DHRS4L2: variants seen among roughly 807,000 people sequenced by gnomAD.
The protein encoded by DHRS4L2 is dehydrogenase/reductase 4 like 2, also known as dehydrogenase/reductase SDR family member 4-like 2.
A neutral mutation model predicts 23.9 loss-of-function variants in DHRS4L2; 22 were observed. The observed-to-expected ratio is 0.92, with a 90% CI of 0.66 to 1.31. The LOEUF is 1.31. Ranked by LOEUF, DHRS4L2 falls within the 40% of genes most tolerant of loss-of-function variation. The pLI, the probability that DHRS4L2 is intolerant of heterozygous loss-of-function variation, is 0.00. For missense variants in DHRS4L2, 385 were observed against 303.3 expected, an observed-to-expected ratio of 1.27 and a Z score of -2.00; for synonymous variants, 141 against 123.7, an observed-to-expected ratio of 1.14 and a Z score of -0.93.
intron 1 of DHRS4L2, among the ~76,000 whole-genome samples, chr14:23,974,251 G>A (rs2033923845): frequency 6.7e-6 from 1 of 148,510 alleles, no homozygotes; most frequent in Non-Finnish European, 1.5e-5. Flanking sequence ...TTAAAACAGT[G>A]TGTAGAGGGA....
chr14:23,979,175 C>T (rs990379528), intron 1 of DHRS4L2, among the ~76,000 whole-genome samples: 1 of 149,064 alleles, frequency 6.7e-6, no homozygotes, highest in Non-Finnish European at 1.5e-5. Context: ...GACTTTAAAC[C>T]AACAAAGATC....
chr14:23,983,612 C>G (rs2034090038), intron 1 of DHRS4L2, among the ~76,000 whole-genome samples: 1 of 151,598 alleles, frequency 6.6e-6, no homozygotes, highest in South Asian at 2.1e-4. Context: ...TTCACAGTAG[C>G]AAAGACTTGG....
upstream of DHRS4L2, chr14:23,988,891 G>C: frequency 9.4e-6 from 15 of 1,596,696 alleles, 1 homozygote; most frequent in East Asian, 2.2e-5. Flanking sequence ...CTGCCCCTTC[G>C]CCCTACTCTG....
intron 2 of DHRS4L2, chr14:23,990,695 A>C (rs992357463): frequency 1.0e-5 from 11 of 1,069,800 alleles, no homozygotes; most frequent in Non-Finnish European, 1.1e-6. Context: ...TCTTCAGCTT[A>C]TAGAGTCAAG....
At chr14:23,986,517 A>AG, upstream of DHRS4L2, among the ~76,000 whole-genome samples, 1 of 150,300 alleles carries the variant, frequency 6.7e-6, no homozygotes, top group South Asian at 2.1e-4. Flanking sequence ...TAAAAAAAAA[A>AG]AAAGAAAGAA....
At position 23,975,607 on chromosome 14, in the gene DHRS4L2, G is replaced by C. The variant is rs555979917; in HGVS notation, c.-176+5275G>C. Among the ~76,000 whole-genome samples the C allele has an allele frequency of 1.8e-3, 269 of 151,790 alleles. 5 individuals are homozygous for C. The highest frequency in any genetic ancestry group is 6.3e-3 in the African/African-American group (261 of 41,360). ...TTAAATTTCATATGGAACCAAAAAAGAGCCAGTATAGCCAAGGAAATCATA... is the reference window on the plus strand; with the variant it reads ...TTAAATTTCATATGGAACCAAAAAACAGCCAGTATAGCCAAGGAAATCATA... On this transcript the variant is annotated intron_variant, in intron 1 of 5. Transcript: ENST00000534993.
At chr14:23,977,279 G>A (rs1211813035) in intron 1 of DHRS4L2, among the ~76,000 whole-genome samples, 66 of 151,282 alleles carry the variant, frequency 4.4e-4, no homozygotes, top group African/African-American at 1.4e-3. Context: ...ATTTCCTATT[G>A]CCATCTGGAT....
intron 1 of DHRS4L2, among the ~76,000 whole-genome samples, chr14:23,977,985 T>A (rs1349577382): frequency 1.3e-5 from 2 of 151,682 alleles, no homozygotes; most frequent in African/African-American, 2.4e-5. Context: ...AATTGAAACC[T>A]TAACTTCTCC....
intron 2 of DHRS4L2, among the ~76,000 whole-genome samples, chr14:23,994,782 G>T (rs1175530028): frequency 2.0e-5 from 3 of 151,702 alleles, no homozygotes; most frequent in African/African-American, 7.3e-5. Context: ...TTTGACAATA[G>T]TTCTTAAGAA....
rs1416092211 is a variant in DHRS4L2, at chr14:23,990,190, T to C, written c.137T>C (p.Phe46Ser). The C allele has an allele frequency of 6.2e-7, 1 of 1,612,798 alleles. No individual in the cohort carries two copies. Among genetic ancestry groups the C allele is most frequent in the Non-Finnish European group, 8.5e-7 (1 of 1,179,334 alleles). ...LVTASTDGIG[F>S]AIARRLAQDR... ...TCTCTTTCTGCTCACAGGATCGGCTTCGCCATCGCCCGGCGTTTGGCCCAG... is the reference window on the plus strand; with the variant it reads ...TCTCTTTCTGCTCACAGGATCGGCTCCGCCATCGCCCGGCGTTTGGCCCAG... Residue 46 changes from phenylalanine (F) to serine (S), a missense_variant, in exon 2 of 8, where the codon TTC (phenylalanine) becomes TCC (serine). Phe to Ser is a radical substitution (Grantham distance 155). Coordinates refer to ENST00000335125, the MANE Select transcript of DHRS4L2 (RefSeq NM_198083.4).
intron 2 of DHRS4L2, among the ~76,000 whole-genome samples, chr14:23,993,552 C>G (rs548042249): frequency 2.6e-5 from 4 of 151,732 alleles, no homozygotes; most frequent in East Asian, 1.9e-4. Flanking sequence ...CGGGCAAATG[C>G]AAAGTCTAGT....
intron 6 of DHRS4L2, among the ~76,000 whole-genome samples, 194 bp from the exon 7 acceptor site, chr14:24,004,143 G>A (rs1329306775): frequency 3.4e-5 from 5 of 146,588 alleles, no homozygotes; most frequent in African/African-American, 7.7e-5. Context: ...AGTGGCGGGC[G>A]CCTGTAATCC....
At chr14:23,995,242 T>A in intron 3 of DHRS4L2, 109 bp downstream of exon 3, 1 of 1,292,520 alleles carries the variant, frequency 7.7e-7, no homozygotes, top group Non-Finnish European at 1.1e-6. Context: ...GTGAGGACTC[T>A]TTGCCACGTG....
Position 23,988,974 on chromosome 14 carries a change from CTG to C in DHRS4L2, c.30_31del (p.Ala11LeufsTer22). On this transcript the variant is annotated frameshift_variant, in exon 1 of 8. Transcript: ENST00000335125. LOFTEE classifies it high-confidence loss of function. MQMARLLGL[C>X]AWARKSVRMA... ...TGCAGATGGCCAGGCTGCTAGGCCT[CTG>C]TGCCTGGGCACGGAAGTCGGTGCGG... 1.2e-6 allele frequency: 2 copies of C among 1,612,174 alleles called. No homozygotes were observed. Among genetic ancestry groups the C allele is most frequent in the Non-Finnish European group, 1.7e-6 (2 of 1,179,142 alleles).
intron 1 of DHRS4L2, among the ~76,000 whole-genome samples, chr14:23,976,284 A>T (rs2033962399): frequency 6.6e-6 from 1 of 151,954 alleles, no homozygotes; most frequent in African/African-American, 2.4e-5. Context: ...CCCATCAAAA[A>T]GTGGGTAAAA....
upstream of DHRS4L2, among the ~76,000 whole-genome samples, chr14:23,986,177 T>G (rs1208634087): frequency 1.3e-5 from 2 of 151,416 alleles, no homozygotes; most frequent in African/African-American, 4.9e-5. Context: ...TGTTCTTATC[T>G]CCAATAAGCC....
chr14:23,999,363 A>C (rs1339269979), intron 3 of DHRS4L2, among the ~76,000 whole-genome samples: 2 of 144,104 alleles, frequency 1.4e-5, no homozygotes, highest in African/African-American at 5.0e-5. Context: ...AAAAAAAAAA[A>C]AAAAAAAAAA....
At chr14:23,992,610 A>G (rs2034292395) in intron 2 of DHRS4L2, among the ~76,000 whole-genome samples, 1 of 151,318 alleles carries the variant, frequency 6.6e-6, no homozygotes, top group Non-Finnish European at 1.5e-5. Flanking sequence ...ATGTATAACT[A>G]TCAGAACACA....
At chr14:23,994,651 G>C (rs1175112062) in intron 2 of DHRS4L2, among the ~76,000 whole-genome samples, 1 of 151,094 alleles carries the variant, frequency 6.6e-6, no homozygotes, top group East Asian at 1.9e-4. Flanking sequence ...ACATGCCACT[G>C]TGCTCCAGTC....
Sources: allele counts gnomAD v4.1 joint callset (sites outside exome capture counted in the v4.1 genomes callset), GRCh38; gene constraint gnomAD v4.1.1; transcripts MANE v1.5; gene names NCBI Gene and HGNC (gene_info 2026-07-23, HGNC 2026-07-21).